MBLAC2: variants seen among roughly 807,000 people sequenced by gnomAD.
The protein encoded by MBLAC2 is acyl-coenzyme A thioesterase MBLAC2.
A neutral mutation model predicts 23.3 loss-of-function variants in MBLAC2; 24 were observed. The ratio of observed to expected loss-of-function variants is 1.03; its 90% CI spans 0.75 to 1.45. The LOEUF (loss-of-function observed/expected upper bound fraction) is 1.45. MBLAC2 is among the 40% of genes most tolerant of loss of function. The pLI is 0.00. For missense variants in MBLAC2, 358 were observed against 370.0 expected, an observed-to-expected ratio of 0.97 and a Z score of 0.27; for synonymous variants, 162 against 150.9, an observed-to-expected ratio of 1.07 and a Z score of -0.54.
chr5:90,463,400 G>C (rs1750398628), intron 1 of MBLAC2, among the ~76,000 whole-genome samples: 1 of 152,074 alleles, frequency 6.6e-6, no homozygotes. Flanking sequence ...CTTATTATGT[G>C]TTTTTAATAG....
chr5:90,465,837 G>T (rs1028311136), intron 1 of MBLAC2, among the ~76,000 whole-genome samples: 1 of 152,104 alleles, frequency 6.6e-6, no homozygotes, highest in African/African-American at 2.4e-5. Context: ...AAGTAGCTGG[G>T]ATTACAGGTG....
At chr5:90,471,854 G>C (rs1249115578) in intron 1 of MBLAC2, 2 of 152,104 alleles carry the variant, frequency 1.3e-5, no homozygotes, top group Non-Finnish European at 2.9e-5. Flanking sequence ...GAGAGGGTGG[G>C]GCATCCAGCT....
At position 90,467,261 on chromosome 5, in the gene MBLAC2, A is replaced by G. The variant is rs374164643; in HGVS notation, c.455-5709T>C. 2.0e-5 allele frequency among the ~76,000 whole-genome samples: 3 copies of G among 152,364 alleles called. No individual in the cohort carries two copies. The East Asian group carries it at 5.8e-4, about 29-fold the overall frequency. On this transcript the variant is annotated intron_variant, in intron 1 of 1. Transcript: ENST00000316610. ...GACTTTCCATCTTGATGACCTGTCT[A>G]GTACTGTCGACAAGTGGAGTATTAA...
intron 1 of MBLAC2, among the ~76,000 whole-genome samples, chr5:90,468,172 G>A (rs1293095694): frequency 1.3e-5 from 2 of 152,112 alleles, no homozygotes; most frequent in Non-Finnish European, 2.9e-5. Context: ...TATGTGCCTA[G>A]GTGATGATCT....
rs764407014 is a variant in MBLAC2 at position 90,473,752 on chromosome 5, C to T, written c.454+87G>A. 9.2e-6 allele frequency: 12 copies of T among 1,302,344 alleles called. No individual in the cohort carries two copies. In the Admixed American group the frequency reaches 9.9e-5, roughly 11 times the overall value. 80.7% of individuals were successfully genotyped at this position (1,302,344 alleles called of 1,614,324 possible). ...GTGCCAAAATAATCCCCTTTATGGC[C>T]ACGCAAGTCTGCAACATGCGGCACT... On this transcript the variant is annotated intron_variant, in intron 1 of 1. Coordinates refer to ENST00000316610, the MANE Select transcript of MBLAC2 (RefSeq NM_203406.2).
At chr5:90,473,776 C>T (rs1417040899) in intron 1 of MBLAC2, 63 bp downstream of exon 1, 2 of 1,467,944 alleles carry the variant, frequency 1.4e-6, no homozygotes, top group Non-Finnish European at 1.9e-6. Context: ...ACATGCGGCA[C>T]TCGGACAGTC....
chr5:90,467,382 A>G (rs751293303), intron 1 of MBLAC2, among the ~76,000 whole-genome samples: 4 of 152,132 alleles, frequency 2.6e-5, no homozygotes, highest in African/African-American at 9.7e-5. Flanking sequence ...AGGTGCATAT[A>G]TATTTAGAAT....
rs1180891752 is a variant in MBLAC2, at chr5:90,458,908, A to C, written c.*2259T>G. On this transcript the variant is annotated 3_prime_UTR_variant, in exon 2 of 2. Coordinates refer to ENST00000316610, the MANE Select transcript of MBLAC2 (RefSeq NM_203406.2). The stretch of plus-strand genomic sequence containing the variant: ...TTCTATGTTGTGGTACAATTTGAAA[A>C]ACTGAAAAAATTGGGAAATTAAAAA... 1 of 152,602 alleles carries C rather than the reference A, an allele frequency of 6.6e-6. No homozygotes were observed. The highest frequency in any genetic ancestry group is 1.5e-5 in the Non-Finnish European group (1 of 68,018). The allele number at this position is 152,602 out of a possible 1,614,324, so 9.5% of individuals were successfully genotyped here. A position where few individuals can be genotyped will look rare whatever the true frequency, so the allele number is the denominator to read the frequency against.
rs536846724 is a variant in MBLAC2, at chr5:90,458,392, C to G, written c.*2775G>C. Reference sequence around the variant, plus strand: ...AGGCTTCTCAGTTGAAAGAAAACATCGAGTAAGGAAAATGAATTTCCAGTG... The same window carrying G: ...AGGCTTCTCAGTTGAAAGAAAACATGGAGTAAGGAAAATGAATTTCCAGTG... On this transcript the variant is annotated 3_prime_UTR_variant, in exon 2 of 2. Transcript: ENST00000316610. 31 of 151,928 alleles carry G rather than the reference C, an allele frequency of 2.0e-4. No homozygotes were observed. The highest frequency in any genetic ancestry group is 1.6e-3 in the Admixed American group (24 of 15,270). The allele number at this position is 151,928 out of a possible 1,614,324, so 9.4% of individuals were successfully genotyped here. A position where few individuals can be genotyped will look rare whatever the true frequency, so the allele number is the denominator to read the frequency against.
chr5:90,464,775 A>T (rs1750421745), intron 1 of MBLAC2, among the ~76,000 whole-genome samples: 1 of 152,230 alleles, frequency 6.6e-6, no homozygotes, highest in South Asian at 2.1e-4. Flanking sequence ...TTAATAAAGG[A>T]GAAAGCCATA....
chr5:90,473,618 C>T, intron 1 of MBLAC2: 2 of 680,692 alleles, frequency 2.9e-6, no homozygotes, highest in Non-Finnish European at 5.2e-6. Flanking sequence ...TACTCAGAAT[C>T]TCTACACGAT....
intron 1 of MBLAC2, 67 bp downstream of exon 1, chr5:90,473,772 G>A (rs1303597020): frequency 1.4e-6 from 2 of 1,427,294 alleles, no homozygotes; most frequent in Non-Finnish European, 1.9e-6. Flanking sequence ...TGCAACATGC[G>A]GCACTCGGAC....
At chr5:90,469,620 T>C (rs546096142) in intron 1 of MBLAC2, among the ~76,000 whole-genome samples, 3 of 152,216 alleles carry the variant, frequency 2.0e-5, no homozygotes, top group Non-Finnish European at 4.4e-5. Flanking sequence ...TTTGTTTTAA[T>C]AGCTGATCTC....
At chr5:90,473,308 TTAGC>T (rs1390260354) in intron 1 of MBLAC2, 2 of 229,694 alleles carry the variant, frequency 8.7e-6, no homozygotes, top group East Asian at 3.0e-4. Flanking sequence ...TCCAATCGCA[TTAGC>T]GGATTGGAAT....
intron 1 of MBLAC2, among the ~76,000 whole-genome samples, chr5:90,470,534 G>A (rs1259679623): frequency 6.6e-6 from 1 of 152,082 alleles, no homozygotes. Context: ...CATGGGGCCT[G>A]GTGACCAAGG....
rs1333525110 is a variant in MBLAC2, at chr5:90,461,297, G to C, written c.710C>G (p.Ala237Gly). ...AGAAGCCAATCGAAAAAGCCTTTCA[G>C]CACCAAAGGTATTGAAGTGCCCAGG... ...VLPGHFNTFG[A>G]ERLFRLASNY... The change falls in exon 2 of 2, where the codon GCT (alanine) becomes GGT (glycine). Residue 237 changes from alanine to glycine, a missense_variant. Coordinates refer to ENST00000316610, the MANE Select transcript of MBLAC2 (RefSeq NM_203406.2). 2 of 1,614,012 alleles carry C rather than the reference G, an allele frequency of 1.2e-6. No homozygotes were observed. Among genetic ancestry groups the C allele is most frequent in the South Asian group, 2.2e-5 (2 of 91,086 alleles).
chr5:90,472,148 C>T (rs1473170764), intron 1 of MBLAC2, among the ~76,000 whole-genome samples: 2 of 152,178 alleles, frequency 1.3e-5, no homozygotes, highest in African/African-American at 4.8e-5. Flanking sequence ...CATTCTCTCA[C>T]CTTTGATTTC....
Position 90,473,939 on chromosome 5 carries a change from G to A in MBLAC2, c.354C>T (p.Thr118=). The A allele has an allele frequency of 6.2e-7, 1 of 1,604,700 alleles. No homozygotes were observed. The highest frequency in any genetic ancestry group is 1.1e-5 in the South Asian group (1 of 89,332). Residue 118 remains threonine (T), a synonymous_variant, in exon 1 of 2, where the codon ACC becomes ACT. Transcript: ENST00000316610. ...GCACCACCTCGCTATCGGAAAGCCA[G>A]GTCACGGTCTCAAAGTTGTCCCCGC... The part of the protein sequence containing the change: ...LARGDNFETV[T]WLSDSEVVRT...
chr5:90,470,213 G>A (rs1301263314), intron 1 of MBLAC2, among the ~76,000 whole-genome samples: 2 of 152,150 alleles, frequency 1.3e-5, no homozygotes, highest in African/African-American at 2.4e-5. Flanking sequence ...GAAAGGGTAG[G>A]GGGGAAGGGA....
Sources: gnomAD v4.1 joint callset for allele counts (sites outside exome capture counted in the v4.1 genomes callset) on GRCh38, gnomAD v4.1.1 for gene constraint, MANE v1.5 for transcripts, NCBI Gene and HGNC (gene_info 2026-07-23, HGNC 2026-07-21) for gene names.